Variants in SIPA1L3 observed in about 807,000 individuals in gnomAD.
The protein encoded by SIPA1L3 is signal induced proliferation associated 1 like 3.
Under a neutral mutation model 150.1 loss-of-function variants are expected in SIPA1L3, and 59 were observed. The ratio of observed to expected loss-of-function variants is 0.39; its 90% CI spans 0.32 to 0.49. SIPA1L3 has a LOEUF of 0.49. Ranked by LOEUF, SIPA1L3 falls within the 20% of genes least tolerant of loss-of-function variation. The pLI is 0.86. For synonymous variants in SIPA1L3, 1,070 were observed against 1,077.6 expected (o/e 0.99, Z 0.14); for missense variants, 2,211 against 2,489.5 (o/e 0.89, Z 2.38).
At chr19:38,103,322 A>G (rs1003489662) in intron 6 of SIPA1L3, among the ~76,000 whole-genome samples, 1 of 152,062 alleles carries the variant, frequency 6.6e-6, no homozygotes, top group African/African-American at 2.4e-5. Flanking sequence ...GTGTATGTGT[A>G]CATAAATATA....
At chr19:38,138,151 A>G (rs1263440609) in intron 10 of SIPA1L3, among the ~76,000 whole-genome samples, 1 of 152,034 alleles carries the variant, frequency 6.6e-6, no homozygotes, top group African/African-American at 2.4e-5. Context: ...AAAAAATAAT[A>G]AAGTAACTAA....
At chr19:38,100,402 T>C (rs1004566203) in intron 5 of SIPA1L3, among the ~76,000 whole-genome samples, 8 of 152,158 alleles carry the variant, frequency 5.3e-5, no homozygotes, top group African/African-American at 1.9e-4. Flanking sequence ...TGTGCATGCA[T>C]ATATGTGTCT....
At chr19:38,014,178 G>A (rs569331844) in intron 1 of SIPA1L3, among the ~76,000 whole-genome samples, 1 of 152,330 alleles carries the variant, frequency 6.6e-6, no homozygotes, top group East Asian at 1.9e-4. Flanking sequence ...CATGGCATTC[G>A]TGCTGGTAAA....
intron 16 of SIPA1L3, among the ~76,000 whole-genome samples, chr19:38,188,629 A>C (rs982703387): frequency 7.9e-5 from 12 of 152,192 alleles, no homozygotes; most frequent in African/African-American, 2.9e-4. Context: ...TGCAATAGAA[A>C]GTAAGCCTCT....
intron 4 of SIPA1L3, among the ~76,000 whole-genome samples, chr19:38,097,281 C>T (rs933570122): frequency 6.6e-6 from 1 of 151,926 alleles, no homozygotes; most frequent in African/African-American, 2.4e-5. Flanking sequence ...CCCAGGAGGT[C>T]GAGGCTGCAG....
chr19:38,165,563 C>T (rs979256289), intron 15 of SIPA1L3, among the ~76,000 whole-genome samples: 5 of 152,284 alleles, frequency 3.3e-5, no homozygotes, highest in Non-Finnish European at 7.4e-5. Flanking sequence ...TCCCAGAACC[C>T]CTTTCAGCAG....
intron 2 of SIPA1L3, among the ~76,000 whole-genome samples, chr19:38,057,873 AG>A (rs1969359385): frequency 1.3e-5 from 2 of 152,110 alleles, no homozygotes; most frequent in African/African-American, 4.8e-5. Flanking sequence ...CATGTTAGCC[AG>A]GATGGTCTCG....
chr19:38,153,706 G>A (rs1033546831), intron 13 of SIPA1L3, among the ~76,000 whole-genome samples: 2 of 149,656 alleles, frequency 1.3e-5, no homozygotes, highest in East Asian at 2.0e-4. Flanking sequence ...CAAGGCGGGC[G>A]GATAATAATT....
Position 38,204,209 on chromosome 19 carries a change from G to T in SIPA1L3, c.5202+1G>T. 1 of 1,553,784 alleles carries T rather than the reference G, an allele frequency of 6.4e-7. No homozygotes were observed. The highest frequency in any genetic ancestry group is 8.7e-7 in the Non-Finnish European group (1 of 1,148,514). ...ACAGCTGCACACTGACCTGCAGAAG[G>T]TAAGGCCGGGGGCCACGCCCTCTCC... On this transcript the variant is annotated splice_donor_variant, in intron 21 of 21. Coordinates refer to ENST00000222345, the MANE Select transcript of SIPA1L3 (RefSeq NM_015073.3). LOFTEE classifies it high-confidence loss of function.
At chr19:38,204,245 C>T in intron 21 of SIPA1L3, 37 bp downstream of exon 21, 2 of 1,527,948 alleles carry the variant, frequency 1.3e-6, no homozygotes, top group African/African-American at 1.4e-5. Context: ...ATCCCACTTC[C>T]CAGACACTGG....
At chr19:38,191,680 G>A (rs1972806721) in intron 16 of SIPA1L3, among the ~76,000 whole-genome samples, 1 of 152,026 alleles carries the variant, frequency 6.6e-6, no homozygotes, top group African/African-American at 2.4e-5. Context: ...GGGCATGGTG[G>A]TGGGTGCCCC....
At chr19:38,204,311 C>A in intron 21 of SIPA1L3, 103 bp downstream of exon 21, 2 of 814,870 alleles carry the variant, frequency 2.5e-6, no homozygotes, top group Admixed American at 2.2e-5. Context: ...ACCCACCCCA[C>A]CCCCACACCT....
chr19:37,913,852 T>C (rs1054063350), intron 1 of SIPA1L3, among the ~76,000 whole-genome samples: 3 of 151,226 alleles, frequency 2.0e-5, no homozygotes, highest in African/African-American at 7.3e-5. Flanking sequence ...CCGTCTCTAC[T>C]AAAAATACAA....
At chr19:38,204,287 CCCCGCCATG>C in intron 21 of SIPA1L3, 79 bp downstream of exon 21, 2 of 1,229,046 alleles carry the variant, frequency 1.6e-6, no homozygotes, top group Non-Finnish European at 2.3e-6. Flanking sequence ...AGGCACCTGC[CCCCGCCATG>C]CAGGACCCAC....
chr19:38,062,781 C>G (rs1028910200), intron 2 of SIPA1L3, among the ~76,000 whole-genome samples: 1 of 152,040 alleles, frequency 6.6e-6, no homozygotes, highest in African/African-American at 2.4e-5. Flanking sequence ...TCACCACACC[C>G]GGCTAATTTT....
At chr19:37,913,955 G>T (rs185405821) in intron 1 of SIPA1L3, among the ~76,000 whole-genome samples, 2 of 150,884 alleles carry the variant, frequency 1.3e-5, no homozygotes, top group East Asian at 4.0e-4. Flanking sequence ...GCAGGAGGAG[G>T]CGGAGTTTAC....
At position 38,119,704 on chromosome 19, in the gene SIPA1L3, T is replaced by C. The variant is rs1970972862; in HGVS notation, c.2690T>C (p.Val897Ala). Residue 897 changes from valine to alanine, a missense_variant, in exon 9 of 22, where the codon GTG becomes GCG. By Grantham distance (64) the Val-to-Ala change is moderately conservative. Around this residue, in one of 5 missense-constraint regions of SIPA1L3, gnomAD observed 625 missense variants for 804.2 expected, o/e 0.78. Coordinates refer to ENST00000222345, the MANE Select transcript of SIPA1L3 (RefSeq NM_015073.3). Reference sequence around the variant, plus strand: ...ATTTTGGGAATTTCCAATGAGTTTGTGGTGCTCCTGGACTTACGCACCAAG... The same window carrying C: ...ATTTTGGGAATTTCCAATGAGTTTGCGGTGCTCCTGGACTTACGCACCAAG... The part of the protein sequence containing the change: ...DCILGISNEF[V>A]VLLDLRTKEV... The C allele has an allele frequency of 6.2e-7, 1 of 1,614,186 alleles. No individual in the cohort carries two copies. Among genetic ancestry groups the C allele is most frequent in the Non-Finnish European group, 8.5e-7 (1 of 1,180,028 alleles).
intron 1 of SIPA1L3, among the ~76,000 whole-genome samples, chr19:37,973,640 T>G (rs1967001310): frequency 1.4e-5 from 2 of 145,540 alleles, no homozygotes; most frequent in Non-Finnish European, 3.0e-5. Flanking sequence ...TGAGGCTGCC[T>G]GAGGGAGTAG....
At chr19:38,102,580 G>T in intron 6 of SIPA1L3, among the ~76,000 whole-genome samples, 1 of 114,864 alleles carries the variant, frequency 8.7e-6, no homozygotes, top group African/African-American at 3.5e-5. Flanking sequence ...AAAAAAGCAA[G>T]ACCCTGTCTC....
Sources: gnomAD v4.1 joint callset for allele counts (sites outside exome capture counted in the v4.1 genomes callset) on GRCh38, gnomAD v4.1.1 for gene constraint, gnomAD v4.1.1 regional missense constraint, MANE v1.5 for transcripts, NCBI Gene and HGNC (gene_info 2026-07-23, HGNC 2026-07-21) for gene names.